Variants in LYPLA2 observed in about 807,000 individuals in gnomAD.
The protein encoded by LYPLA2 is acyl-protein thioesterase 2.
In LYPLA2, 7 loss-of-function variants were observed where a neutral mutation model predicts 30.3. The ratio of observed to expected loss-of-function variants is 0.23; its 90% CI spans 0.13 to 0.43. LYPLA2 has a LOEUF of 0.43. Among genes scored for constraint, LYPLA2 ranks in the 20% least tolerant of loss-of-function variants. The probability of loss-of-function intolerance (pLI) is 1.00; values close to 1 mark genes in which losing one functional copy is unlikely to be tolerated. For missense variants in LYPLA2, 206 were observed against 307.9 expected (o/e 0.67, Z 2.48); for synonymous variants, 112 against 118.2 (o/e 0.95, Z 0.34).
Position 23,795,532 on chromosome 1 carries a change from T to G in LYPLA2, c.*800T>G, listed in dbSNP as rs1301414351. ...ATTCCGATAAAATTAAAGAAATTGC[T>G]TCCTCAACGCTCAGGCCTGGCTGAT... On this transcript the variant is annotated 3_prime_UTR_variant, in exon 10 of 10. Transcript: ENST00000374514. The G allele has an allele frequency of 4.1e-6, 1 of 242,816 alleles. No homozygotes were observed. Among genetic ancestry groups the G allele is most frequent in the Non-Finnish European group, 8.1e-6 (1 of 123,506 alleles). The allele number at this position is 242,816 out of a possible 1,614,324, so 15.0% of individuals were successfully genotyped here.
Position 23,792,774 on chromosome 1 carries a change from T to C in LYPLA2, c.78+14T>C. ...GAAACGGCCGCGGTAAGGGTCCCCT[T>C]TCACCCACGGCCAGACACTGTGGGA... On this transcript the variant is annotated intron_variant, in intron 2 of 9. Coordinates refer to ENST00000374514, the MANE Select transcript of LYPLA2 (RefSeq NM_007260.3). 1.2e-6 allele frequency: 2 copies of C among 1,607,320 alleles called. No individual in the cohort carries two copies. Among genetic ancestry groups the C allele is most frequent in the Non-Finnish European group, 8.5e-7 (1 of 1,174,740 alleles).
In LYPLA2 at chr1:23,793,169, C is replaced by G; in HGVS notation, c.129C>G (p.Ala43=). The stretch of plus-strand genomic sequence containing the variant: ...CCTACAGGCACAGCTGGGCTGACGC[C>G]CTCTCCACCATCCGGCTCCCTCACG... The part of the protein sequence containing the change: ...LGDTGHSWAD[A]LSTIRLPHVK... Residue 43 remains alanine (A), a synonymous_variant, in exon 4 of 10, where the codon GCC becomes GCG. Coordinates refer to ENST00000374514, the MANE Select transcript of LYPLA2 (RefSeq NM_007260.3). The surrounding 1 kb of genome is among the most constrained non-coding windows in gnomAD (Gnocchi z 6.0). 6.2e-7 allele frequency: 1 copy of G among 1,614,040 alleles called. No homozygotes were observed.
At chr1:23,792,792 CTG>C in intron 2 of LYPLA2, 32 bp downstream of exon 2, 2 of 1,578,182 alleles carry the variant, frequency 1.3e-6, no homozygotes, top group Non-Finnish European at 1.7e-6. Flanking sequence ...CGGCCAGACA[CTG>C]TGGGAGCAGC....
In LYPLA2 at chr1:23,793,216, CGTGA is replaced by C. The variant is rs1390741377; in HGVS notation, c.176+4_176+7del. The C allele has an allele frequency of 1.2e-6, 2 of 1,613,392 alleles. No homozygotes were observed. The highest frequency in any genetic ancestry group is 1.7e-6 in the Non-Finnish European group (2 of 1,179,814). Reference sequence around the variant, plus strand: ...CACGTCAAGTACATCTGTCCCCATGCGTGAGTGTCACCCCAGCAAGGGAGGGGCT... The same window carrying C: ...CACGTCAAGTACATCTGTCCCCATGCGTGTCACCCCAGCAAGGGAGGGGCT... On this transcript the variant is annotated splice_donor_variant and splice_donor_region_variant and intron_variant, in intron 4 of 9. Transcript: ENST00000374514. LOFTEE classifies it high-confidence loss of function. The surrounding 1 kb of genome is among the most constrained non-coding windows in gnomAD (Gnocchi z 6.0).
In LYPLA2 at chr1:23,794,940, G is replaced by T. The variant is rs879091021; in HGVS notation, c.*208G>T. On this transcript the variant is annotated 3_prime_UTR_variant, in exon 10 of 10. Transcript: ENST00000374514. The surrounding 1 kb of genome is among the most constrained non-coding windows in gnomAD (Gnocchi z 5.9). ...CTGGCTCTGTCTGCAGCAGGGGCAG[G>T]CTGCTTTCTTATCCATTTCCCTGGA... The T allele has an allele frequency of 1.3e-5, 9 of 711,922 alleles. No individual in the cohort carries two copies. The highest frequency in any genetic ancestry group is 1.2e-4 in the South Asian group (8 of 66,840). 44.1% of individuals were successfully genotyped at this position (711,922 alleles called of 1,614,324 possible). A position where few individuals can be genotyped will look rare whatever the true frequency, so the allele number is the denominator to read the frequency against.
intron 1 of LYPLA2, 98 bp from the exon 2 acceptor site, chr1:23,792,559 C>T (rs1186358340): frequency 4.1e-6 from 3 of 724,252 alleles, no homozygotes; most frequent in Non-Finnish European, 7.4e-6. Context: ...CAGGACAGAA[C>T]CTGGGTGCTG....
Position 23,795,085 on chromosome 1 carries a change from AC to A in LYPLA2, c.*355del. Reference sequence around the variant, plus strand: ...GCCCCGCTTTGGGCCCCCTCCTGTGACCTCAGGGTTTGGCCCATGGGGCCCC... The same window carrying A: ...GCCCCGCTTTGGGCCCCCTCCTGTGACTCAGGGTTTGGCCCATGGGGCCCC... On this transcript the variant is annotated 3_prime_UTR_variant, in exon 10 of 10. Coordinates refer to ENST00000374514, the MANE Select transcript of LYPLA2 (RefSeq NM_007260.3). 1 of 467,804 alleles carries A rather than the reference AC, an allele frequency of 2.1e-6. No individual in the cohort carries two copies. The highest frequency in any genetic ancestry group is 4.0e-6 in the Non-Finnish European group (1 of 247,762). 29.0% of individuals were successfully genotyped at this position (467,804 alleles called of 1,614,324 possible).
chr1:23,793,244 CT>C lies in LYPLA2; in HGVS notation c.176+29del, dbSNP rs1335279506. The C allele has an allele frequency of 6.2e-7, 1 of 1,608,646 alleles. No homozygotes were observed. The highest frequency in any genetic ancestry group is 8.5e-7 in the Non-Finnish European group (1 of 1,176,194). Reference sequence around the variant, plus strand: ...GAGTGTCACCCCAGCAAGGGAGGGGCTGAGGCTGGGGATCATCTGGGGGTGG... The same window carrying C: ...GAGTGTCACCCCAGCAAGGGAGGGGCGAGGCTGGGGATCATCTGGGGGTGG... On this transcript the variant is annotated intron_variant, in intron 4 of 9. Coordinates refer to ENST00000374514, the MANE Select transcript of LYPLA2 (RefSeq NM_007260.3). The surrounding 1 kb of genome is among the most constrained non-coding windows in gnomAD (Gnocchi z 6.0).
At position 23,793,705 on chromosome 1, in the gene LYPLA2, G is replaced by A. The variant is rs374121451; in HGVS notation, c.177G>A (p.Ala59=). Residue 59 remains alanine, a splice_region_variant and synonymous_variant, in exon 5 of 10, where the codon GCG becomes GCA. Coordinates refer to ENST00000374514, the MANE Select transcript of LYPLA2 (RefSeq NM_007260.3). The surrounding 1 kb of genome is among the most constrained non-coding windows in gnomAD (Gnocchi z 6.0). ...GGGCCCTCTGGCTCTCTTTCCCCAG[G>A]CCTAGGATCCCTGTGACCCTCAACA... The part of the protein sequence containing the change: ...LPHVKYICPH[A]PRIPVTLNMK... The A allele has an allele frequency of 6.2e-7, 1 of 1,614,110 alleles. No homozygotes were observed. The highest frequency in any genetic ancestry group is 8.5e-7 in the Non-Finnish European group (1 of 1,179,992).
At position 23,794,812 on chromosome 1, in the gene LYPLA2, G is replaced by C. The variant is rs998552907; in HGVS notation, c.*80G>C. 4 of 1,518,010 alleles carry C rather than the reference G, an allele frequency of 2.6e-6. No individual in the cohort carries two copies. The highest frequency in any genetic ancestry group is 1.4e-5 in the African/African-American group (1 of 72,542). 94.0% of individuals were successfully genotyped at this position (1,518,010 alleles called of 1,614,324 possible). ...CGTGGCACCATCTTGGATCTGAGCCGGTCGAGCCCCTGTCCCCACCCTTCC... is the reference window on the plus strand; with the variant it reads ...CGTGGCACCATCTTGGATCTGAGCCCGTCGAGCCCCTGTCCCCACCCTTCC... On this transcript the variant is annotated 3_prime_UTR_variant, in exon 10 of 10. Coordinates refer to ENST00000374514, the MANE Select transcript of LYPLA2 (RefSeq NM_007260.3). The surrounding 1 kb of genome is among the most constrained non-coding windows in gnomAD (Gnocchi z 5.9).
intron 2 of LYPLA2, 28 bp downstream of exon 2, chr1:23,792,788 G>A (rs1457973505): frequency 6.3e-7 from 1 of 1,577,796 alleles, no homozygotes; most frequent in African/African-American, 1.3e-5. Context: ...CCCACGGCCA[G>A]ACACTGTGGG....
chr1:23,792,877 A>T, intron 2 of LYPLA2, 117 bp downstream of exon 2: 1 of 1,216,872 alleles, frequency 8.2e-7, no homozygotes, highest in Non-Finnish European at 1.2e-6. Flanking sequence ...TGAGGCCAGC[A>T]GGCTCGGGGT....
chr1:23,793,693 C>G lies in LYPLA2; in HGVS notation c.177-12C>G. 2 of 1,614,014 alleles carry G rather than the reference C, an allele frequency of 1.2e-6. No individual in the cohort carries two copies. Among genetic ancestry groups the G allele is most frequent in the Non-Finnish European group, 1.7e-6 (2 of 1,179,898 alleles). On this transcript the variant is annotated splice_polypyrimidine_tract_variant and intron_variant, in intron 4 of 9. Coordinates refer to ENST00000374514, the MANE Select transcript of LYPLA2 (RefSeq NM_007260.3). This position sits in a 1 kb window ranked among gnomAD's most constrained non-coding sequence, Gnocchi z 6.0. Reference sequence around the variant, plus strand: ...CCTGAGCATGATGGGCCCTCTGGCTCTCTTTCCCCAGGCCTAGGATCCCTG... The same window carrying G: ...CCTGAGCATGATGGGCCCTCTGGCTGTCTTTCCCCAGGCCTAGGATCCCTG...
chr1:23,794,258 G>T lies in LYPLA2; in HGVS notation c.404G>T (p.Cys135Phe), dbSNP rs1638873775. The T allele has an allele frequency of 6.2e-7, 1 of 1,611,652 alleles. No individual in the cohort carries two copies. The highest frequency in any genetic ancestry group is 1.3e-5 in the African/African-American group (1 of 74,962). The part of the protein sequence containing the change: ...GALSLYTALT[C>F]PHPLAGIVAL... ...CTGTCCCTCTACACGGCCCTCACCT[G>T]CCCCCACCCTCTGGCTGGCATCGTG... Residue 135 changes from cysteine to phenylalanine, a missense_variant, in exon 8 of 10, where the codon TGC becomes TTC. Physicochemically the swap from Cys to Phe is radical, Grantham distance 205. Transcript: ENST00000374514. The surrounding 1 kb of genome is among the most constrained non-coding windows in gnomAD (Gnocchi z 5.9).
In LYPLA2 at chr1:23,793,833, A is replaced by G. The variant is rs770212232; in HGVS notation, c.225-27A>G. Reference sequence around the variant, plus strand: ...CACAGGGGGCTGGCTGGGGTTTTCTATAGCTGCCAGTGCCTCTACTCCCAA... The same window carrying G: ...CACAGGGGGCTGGCTGGGGTTTTCTGTAGCTGCCAGTGCCTCTACTCCCAA... On this transcript the variant is annotated intron_variant, in intron 5 of 9. Transcript: ENST00000374514. The surrounding 1 kb of genome is among the most constrained non-coding windows in gnomAD (Gnocchi z 6.0). The G allele has an allele frequency of 4.3e-6, 7 of 1,612,936 alleles. No homozygotes were observed. The highest frequency in any genetic ancestry group is 5.9e-6 in the Non-Finnish European group (7 of 1,179,000).
chr1:23,791,813 G>C (rs1215418672), intron 1 of LYPLA2, among the ~76,000 whole-genome samples: 2 of 152,156 alleles, frequency 1.3e-5, no homozygotes, highest in Non-Finnish European at 2.9e-5. Context: ...ATTGTGGGGA[G>C]CTGCCCTCAG....
At position 23,794,167 on chromosome 1, in the gene LYPLA2, T is replaced by A; in HGVS notation, c.369+31T>A. The A allele has an allele frequency of 1.1e-6, 1 of 923,044 alleles. No individual in the cohort carries two copies. The highest frequency in any genetic ancestry group is 2.5e-5 in the East Asian group (1 of 40,106). 57.2% of individuals were successfully genotyped at this position (923,044 alleles called of 1,614,324 possible). On this transcript the variant is annotated intron_variant, in intron 7 of 9. Transcript: ENST00000374514. This position sits in a 1 kb window ranked among gnomAD's most constrained non-coding sequence, Gnocchi z 5.9. ...GGGAGAGGGGTGGGGGGGTAGGGGG[T>A]AGGGGTGGCCGGTGAGTGAGCTGTG...
In LYPLA2 at chr1:23,793,313, G is replaced by GAGCCCAAGCCCCAGGAT; in HGVS notation, c.176+97_176+98insAGCCCAAGCCCCAGGAT. Reference sequence around the variant, plus strand: ...TGTTCTCTCCTGTCAGTTGCATCCTGGGGCTTGGGCTCAGGGCAGTCAGAA... The same window carrying GAGCCCAAGCCCCAGGAT: ...TGTTCTCTCCTGTCAGTTGCATCCTGAGCCCAAGCCCCAGGATGGGCTTGGGCTCAGGGCAGTCAGAA... On this transcript the variant is annotated intron_variant, in intron 4 of 9. Coordinates refer to ENST00000374514, the MANE Select transcript of LYPLA2 (RefSeq NM_007260.3). This position sits in a 1 kb window ranked among gnomAD's most constrained non-coding sequence, Gnocchi z 6.0. 3 of 1,315,886 alleles carry GAGCCCAAGCCCCAGGAT rather than the reference G, an allele frequency of 2.3e-6. No homozygotes were observed. The highest frequency in any genetic ancestry group is 3.3e-6 in the Non-Finnish European group (3 of 922,586). The allele number at this position is 1,315,886 out of a possible 1,614,324, so 81.5% of individuals were successfully genotyped here.
Position 23,793,970 on chromosome 1 carries a change from C to T in LYPLA2, c.295+40C>T, listed in dbSNP as rs1456542949. 3 of 1,594,918 alleles carry T rather than the reference C, an allele frequency of 1.9e-6. No individual in the cohort carries two copies. The highest frequency in any genetic ancestry group is 1.7e-4 in the Middle Eastern group (1 of 6,026). On this transcript the variant is annotated intron_variant, in intron 6 of 9. Transcript: ENST00000374514. The surrounding 1 kb of genome is among the most constrained non-coding windows in gnomAD (Gnocchi z 6.0). The stretch of plus-strand genomic sequence containing the variant: ...CCTCCTCCACATCCTCCTTCCCCTG[C>T]CCCCCAGGAAAGCGCTGGGCGGTTC...
Sources: allele counts gnomAD v4.1 joint callset (sites outside exome capture counted in the v4.1 genomes callset), GRCh38; gene constraint gnomAD v4.1.1; non-coding constraint Gnocchi (gnomAD v3.1); transcripts MANE v1.5; gene names NCBI Gene and HGNC (gene_info 2026-07-23, HGNC 2026-07-21).